Variants in MYCBP2 observed in about 807,000 individuals in gnomAD.
MYCBP2 encodes MYC binding protein 2.
In MYCBP2, 120 loss-of-function variants were observed where a neutral mutation model predicts 525.3. That is an observed-to-expected ratio of 0.23 (90% CI 0.20 to 0.27). The LOEUF is 0.27. MYCBP2 is among the 10% of genes least tolerant of loss of function. MYCBP2 has a pLI of 1.00. For synonymous variants in MYCBP2, 1,894 were observed against 1,955.8 expected (o/e 0.97, Z 0.83); for missense variants, 4,149 against 5,657.1 (o/e 0.73, Z 8.55).
chr13:77,326,195 C>T lies in MYCBP2; in HGVS notation c.302+279G>A, dbSNP rs1021416690. Among the ~76,000 whole-genome samples the T allele has an allele frequency of 6.6e-6, 1 of 151,696 alleles. No homozygotes were observed. The highest frequency in any genetic ancestry group is 2.1e-4 in the South Asian group (1 of 4,812). On this transcript the variant is annotated intron_variant, in intron 1 of 82. Coordinates refer to ENST00000544440, the MANE Select transcript of MYCBP2 (RefSeq NM_015057.5). This position sits in a 1 kb window ranked among gnomAD's most constrained non-coding sequence, Gnocchi z 4.2. ...AGCACCATCGCCTTTTCCAGCATCA[C>T]AGGTTCCCCTACCACCCCTCACTAT...
intron 49 of MYCBP2, among the ~76,000 whole-genome samples, chr13:77,141,442 A>G (rs1385805266): frequency 6.6e-6 from 1 of 152,130 alleles, no homozygotes; most frequent in Non-Finnish European, 1.5e-5. Context: ...AACAGTATCT[A>G]ACTCACCGAG....
At chr13:77,146,945 G>C (rs2055682421) in intron 47 of MYCBP2, among the ~76,000 whole-genome samples, 1 of 152,030 alleles carries the variant, frequency 6.6e-6, no homozygotes, top group African/African-American at 2.4e-5. Context: ...GACAAATACA[G>C]AATGTTTATT....
At chr13:77,122,063 CAG>C (rs1250963920) in intron 54 of MYCBP2, among the ~76,000 whole-genome samples, 2 of 151,682 alleles carry the variant, frequency 1.3e-5, no homozygotes, top group African/African-American at 2.4e-5. Flanking sequence ...GTTACATAAT[CAG>C]AGTCTATAAA....
In MYCBP2 at chr13:77,165,327, G is replaced by T; in HGVS notation, c.6405C>A (p.Phe2135Leu). The T allele has an allele frequency of 6.2e-7, 1 of 1,612,370 alleles. No homozygotes were observed. Among genetic ancestry groups the T allele is most frequent in the Non-Finnish European group, 8.5e-7 (1 of 1,179,366 alleles). ...CAATTGCAAAACACTTAAAACCATA[G>T]AAAGAAGCTTTGTCATCTTTCACAT... ...SDYVKDDKAS[F>L]YGFKCFAIGY... The change falls in exon 42 of 83, where the codon TTC (phenylalanine) becomes TTA (leucine). Residue 2135 changes from phenylalanine (F) to leucine (L), a missense_variant. By Grantham distance (22) the Phe-to-Leu change is conservative (BLOSUM62 0). Around this residue, in one of 21 missense-constraint regions of MYCBP2, gnomAD observed 692 missense variants for 852.7 expected, o/e 0.81. Coordinates refer to ENST00000544440, the MANE Select transcript of MYCBP2 (RefSeq NM_015057.5).
chr13:77,113,525 T>C (rs1468180830), intron 55 of MYCBP2, among the ~76,000 whole-genome samples: 3 of 151,796 alleles, frequency 2.0e-5, no homozygotes, highest in African/African-American at 2.4e-5. Context: ...AAGATGGTAA[T>C]GAAGGGTGAA....
chr13:77,321,936 G>C (rs758142291), intron 1 of MYCBP2, among the ~76,000 whole-genome samples: 4 of 152,148 alleles, frequency 2.6e-5, no homozygotes, highest in African/African-American at 4.8e-5. Context: ...GGAGGTGGGA[G>C]GATCACTTAA....
At chr13:77,150,108 C>A (rs2056235513) in intron 47 of MYCBP2, among the ~76,000 whole-genome samples, 1 of 152,108 alleles carries the variant, frequency 6.6e-6, no homozygotes, top group Non-Finnish European at 1.5e-5. Context: ...CTGAAGATAA[C>A]TAAAACATCC....
chr13:77,158,267 T>C (rs2057452894), intron 44 of MYCBP2, among the ~76,000 whole-genome samples, 158 bp from the exon 45 acceptor site: 1 of 152,184 alleles, frequency 6.6e-6, no homozygotes, highest in South Asian at 2.1e-4. Flanking sequence ...AATAGGAAAT[T>C]CCTAGGAGAG....
chr13:77,263,864 A>G, intron 9 of MYCBP2, 65 bp downstream of exon 9: 1 of 1,607,218 alleles, frequency 6.2e-7, no homozygotes, highest in Non-Finnish European at 8.5e-7. Context: ...TATCTAATAA[A>G]AGCTAAATAA....
At chr13:77,269,304 T>A (rs1379809604) in intron 7 of MYCBP2, among the ~76,000 whole-genome samples, 1 of 152,166 alleles carries the variant, frequency 6.6e-6, no homozygotes, top group African/African-American at 2.4e-5. Flanking sequence ...TAAGAAACCC[T>A]AATTTGGCCT....
intron 71 of MYCBP2, among the ~76,000 whole-genome samples, chr13:77,066,717 TTA>T (rs1469534031): frequency 2.6e-5 from 4 of 152,178 alleles, no homozygotes; most frequent in African/African-American, 9.7e-5. Context: ...CTGCAGCAAT[TTA>T]TATGAGATGA....
intron 74 of MYCBP2, 131 bp from the exon 75 acceptor site, chr13:77,061,921 T>A: frequency 1.1e-6 from 1 of 924,986 alleles, no homozygotes; most frequent in Non-Finnish European, 1.5e-6. Context: ...ATCTGAATAT[T>A]AAACAGAATT....
chr13:77,080,674 G>T (rs2154103021), intron 65 of MYCBP2: 1 of 152,508 alleles, frequency 6.6e-6, no homozygotes, highest in Middle Eastern at 3.3e-3. Context: ...GGGTGCAGTG[G>T]CTCATGTCTG....
Position 77,097,489 on chromosome 13 carries a change from T to C in MYCBP2, c.9665A>G (p.Asn3222Ser). 1.9e-6 allele frequency: 3 copies of C among 1,613,244 alleles called. No homozygotes were observed. Among genetic ancestry groups the C allele is most frequent in the Non-Finnish European group, 2.5e-6 (3 of 1,179,672 alleles). ...KEKAEVRPRG[N>S]LFGEMAQLAV... ...CAGCTGGGCCATCTCTCCAAACAAATTACCCCTGGGCCTAACTTCTGCCTT... is the reference window on the plus strand; with the variant it reads ...CAGCTGGGCCATCTCTCCAAACAAACTACCCCTGGGCCTAACTTCTGCCTT... The change falls in exon 56 of 83, where the codon AAT becomes AGT. Residue 3222 changes from asparagine to serine, a missense_variant. Physicochemically the swap from Asn to Ser is conservative, Grantham distance 46. This residue lies in a region of MYCBP2 where 653 missense variants were observed against 744.7 expected (regional missense o/e 0.88). Transcript: ENST00000544440.
At chr13:77,216,384 A>G (rs542447544) in intron 21 of MYCBP2, among the ~76,000 whole-genome samples, 51 of 152,350 alleles carry the variant, frequency 3.3e-4, no homozygotes, top group Middle Eastern at 3.4e-3. Flanking sequence ...AAGAATGATC[A>G]ATGGATGCTA....
intron 30 of MYCBP2, among the ~76,000 whole-genome samples, chr13:77,187,644 C>T (rs185483544): frequency 2.3e-4 from 35 of 152,144 alleles, no homozygotes; most frequent in East Asian, 3.9e-4. Context: ...ATATATAATA[C>T]GAAATTTTCT....
intron 14 of MYCBP2, among the ~76,000 whole-genome samples, chr13:77,252,062 G>C (rs2071302522): frequency 6.6e-6 from 1 of 152,050 alleles, no homozygotes; most frequent in African/African-American, 2.4e-5. Context: ...CCTTTTCCAG[G>C]CAGTCAGTCA....
rs1456147983 is a variant in MYCBP2, at chr13:77,141,205, G to GA, written c.7304-263dup. On this transcript the variant is annotated intron_variant, in intron 49 of 82. Transcript: ENST00000544440. ...TAACTAGAACATATGAAATGATACA[G>GA]AAAAAATGGAAAATAATAAAAAAAA... Among the ~76,000 whole-genome samples, 4 of 152,044 alleles carry GA rather than the reference G, an allele frequency of 2.6e-5. No homozygotes were observed. In the East Asian group the frequency reaches 7.7e-4, roughly 29 times the overall value.
chr13:77,225,684 G>C (rs568976189), intron 18 of MYCBP2, 130 bp from the exon 19 acceptor site: 7 of 1,146,284 alleles, frequency 6.1e-6, no homozygotes, highest in Non-Finnish European at 8.5e-6. Flanking sequence ...ATCTGTAGCT[G>C]TTAGAAGTGA....
Sources: gnomAD v4.1 joint callset for allele counts (sites outside exome capture counted in the v4.1 genomes callset) on GRCh38, gnomAD v4.1.1 for gene constraint, gnomAD v4.1.1 regional missense constraint, Gnocchi (gnomAD v3.1) non-coding constraint, MANE v1.5 for transcripts, NCBI Gene and HGNC (gene_info 2026-07-23, HGNC 2026-07-21) for gene names.